The following CDC42EP3 variants were observed in gnomAD, a reference collection of about 807,000 sequenced individuals.
The protein encoded by CDC42EP3 is CDC42 effector protein 3, also known as CDC42 effector protein (Rho GTPase binding) 3.
CDC42EP3 carries 4 observed loss-of-function variants against 15.5 expected under a neutral mutation model. That is an observed-to-expected ratio of 0.26 (90% CI 0.13 to 0.59). CDC42EP3 has a LOEUF of 0.59. Ranked by LOEUF, CDC42EP3 falls within the 20% of genes least tolerant of loss-of-function variation. CDC42EP3 has a pLI of 0.89. For missense variants in CDC42EP3, 309 were observed against 311.2 expected (o/e 0.99, Z 0.05); for synonymous variants, 145 against 130.3 (o/e 1.11, Z -0.77).
intron 1 of CDC42EP3, among the ~76,000 whole-genome samples, chr2:37,666,528 T>G (rs970344399): frequency 1.3e-5 from 2 of 152,190 alleles, no homozygotes; most frequent in African/African-American, 4.8e-5. Context: ...CCACTGAAAA[T>G]CCTTTTTAAA....
chr2:37,672,166 CA>C (rs67383246), upstream of CDC42EP3: 15,565 of 152,430 alleles, frequency 0.1, 1,251 homozygotes, highest in African/African-American at 0.22. Context: ...CGCAGCTCCC[CA>C]GGTCCCTCTC....
intron 1 of CDC42EP3, among the ~76,000 whole-genome samples, chr2:37,651,321 T>C (rs1425657077): frequency 1.3e-5 from 2 of 152,216 alleles, no homozygotes; most frequent in African/African-American, 4.8e-5. Flanking sequence ...GTTAATGAAC[T>C]GGCTATTTTT....
chr2:37,661,764 A>C (rs1666064455), intron 1 of CDC42EP3, among the ~76,000 whole-genome samples: 1 of 152,180 alleles, frequency 6.6e-6, no homozygotes, highest in Non-Finnish European at 1.5e-5. Flanking sequence ...GAGAAGAGAA[A>C]AAACAAAAGG....
chr2:37,657,973 G>A (rs1406994718), intron 1 of CDC42EP3, among the ~76,000 whole-genome samples: 1 of 152,182 alleles, frequency 6.6e-6, no homozygotes, highest in Non-Finnish European at 1.5e-5. Flanking sequence ...GGTCAGAGTT[G>A]AGTAGCCTGT....
chr2:37,668,557 T>G (rs976325704), intron 1 of CDC42EP3, among the ~76,000 whole-genome samples: 1 of 152,012 alleles, frequency 6.6e-6, no homozygotes, highest in Non-Finnish European at 1.5e-5. Flanking sequence ...AGAAGTTCAG[T>G]TTTTTTTCCC....
intron 1 of CDC42EP3, among the ~76,000 whole-genome samples, chr2:37,654,970 C>T (rs78048487): frequency 0.035 from 5,399 of 152,272 alleles, 313 homozygotes; most frequent in African/African-American, 0.12. Flanking sequence ...ATTTCTAAGG[C>T]GGAAATCAGT....
chr2:37,654,893 A>T (rs1665799832), intron 1 of CDC42EP3, among the ~76,000 whole-genome samples: 2 of 152,204 alleles, frequency 1.3e-5, no homozygotes, highest in African/African-American at 2.4e-5. Context: ...TGCTTCTCTG[A>T]ATAATTTTAA....
intron 1 of CDC42EP3, among the ~76,000 whole-genome samples, chr2:37,660,636 C>T (rs1016144967): frequency 2.6e-5 from 4 of 152,034 alleles, no homozygotes; most frequent in African/African-American, 9.7e-5. Context: ...AGAGGAAAAT[C>T]CTTTTACTTC....
intron 1 of CDC42EP3, among the ~76,000 whole-genome samples, chr2:37,653,982 G>C (rs765270299): frequency 1.1e-4 from 17 of 151,998 alleles, no homozygotes; most frequent in Admixed American, 3.3e-4. Flanking sequence ...ATCACTTTTC[G>C]CTTTGCCTCA....
In CDC42EP3 at chr2:37,645,977, A is replaced by G. The variant is rs1665441095; in HGVS notation, c.611T>C (p.Met204Thr). The G allele has an allele frequency of 6.2e-7, 1 of 1,614,036 alleles. No homozygotes were observed. The highest frequency in any genetic ancestry group is 1.1e-5 in the South Asian group (1 of 91,082). The change falls in exon 2 of 2, where the codon ATG becomes ACG. Residue 204 changes from methionine (M) to threonine (T), a missense_variant. By Grantham distance (81) the Met-to-Thr change is moderately conservative. Transcript: ENST00000295324. ...EQYPDWPAED[M>T]FDHPTPCELI... ...CTCGCATGGGGTGGGATGGTCAAAC[A>G]TGTCCTCGGCTGGCCAGTCGGGGTA... is the stretch of plus-strand genomic sequence containing the variant.
chr2:37,648,540 G>A (rs1665553218), intron 1 of CDC42EP3, among the ~76,000 whole-genome samples: 1 of 152,224 alleles, frequency 6.6e-6, no homozygotes, highest in Admixed American at 6.5e-5. Context: ...ACCCAGGCCG[G>A]AGAAGGCTGA....
At chr2:37,672,909 T>A (rs796201152), upstream of CDC42EP3, among the ~76,000 whole-genome samples, 7 of 152,304 alleles carry the variant, frequency 4.6e-5, no homozygotes, top group African/African-American at 1.7e-4. Flanking sequence ...GGGTGCGCCT[T>A]AAGCCGATGT....
intron 1 of CDC42EP3, among the ~76,000 whole-genome samples, chr2:37,649,254 C>T (rs922123428): frequency 6.6e-6 from 1 of 151,538 alleles, no homozygotes; most frequent in African/African-American, 2.4e-5. Context: ...AGTTTGAAAC[C>T]AGCCTGGGCA....
At chr2:37,648,200 G>T (rs1027160557) in intron 1 of CDC42EP3, among the ~76,000 whole-genome samples, 9 of 152,340 alleles carry the variant, frequency 5.9e-5, no homozygotes, top group Admixed American at 4.6e-4. Context: ...TGCTGACACA[G>T]AGAAGCTAAA....
intron 1 of CDC42EP3, among the ~76,000 whole-genome samples, chr2:37,655,730 G>A (rs149258474): frequency 2.6e-4 from 39 of 152,300 alleles, no homozygotes; most frequent in African/African-American, 8.4e-4. Context: ...CATAACTAAT[G>A]GATCTGACTT....
chr2:37,646,556 G>C lies in CDC42EP3; in HGVS notation c.32C>G (p.Ala11Gly). ...TTTCTTTCCTTTCTTGTTATTGGCTGCTTTCAGGTAAATTGGGGTCTTGGC... is the reference window on the plus strand; with the variant it reads ...TTTCTTTCCTTTCTTGTTATTGGCTCCTTTCAGGTAAATTGGGGTCTTGGC... The part of the protein sequence containing the change: MPAKTPIYLK[A>G]ANNKKGKKFK... The change falls in exon 2 of 2, where the codon GCA (alanine) becomes GGA (glycine). Residue 11 changes from alanine (A) to glycine (G), a missense_variant. Ala to Gly is a moderately conservative substitution (Grantham distance 60). Coordinates refer to ENST00000295324, the MANE Select transcript of CDC42EP3 (RefSeq NM_006449.5). 1 of 1,555,770 alleles carries C rather than the reference G, an allele frequency of 6.4e-7. No individual in the cohort carries two copies. Among genetic ancestry groups the C allele is most frequent in the Non-Finnish European group, 8.7e-7 (1 of 1,154,284 alleles).
intron 1 of CDC42EP3, among the ~76,000 whole-genome samples, chr2:37,664,686 A>G (rs925990478): frequency 6.6e-5 from 10 of 152,234 alleles, no homozygotes; most frequent in African/African-American, 2.4e-4. Context: ...GCAAAGATGA[A>G]TGACAAGATA....
intron 1 of CDC42EP3, among the ~76,000 whole-genome samples, chr2:37,655,603 T>C (rs1320514925): frequency 6.6e-6 from 1 of 152,158 alleles, no homozygotes; most frequent in African/African-American, 2.4e-5. Flanking sequence ...CCTGGTTCAT[T>C]TATCAGGACG....
chr2:37,646,343 T>C lies in CDC42EP3; in HGVS notation c.245A>G (p.Asn82Ser). ...GGTGCTGTTGGCCCGGAAGAACTCA[T>C]TATGCCCAGGGAACTGGCCCAGGTG... Reference protein sequence around the residue: ...KAHLGQFPGHNEFFRANSTSD... With the variant: ...KAHLGQFPGHSEFFRANSTSD... Residue 82 changes from asparagine (N) to serine (S), a missense_variant, in exon 2 of 2, where the codon AAT becomes AGT. By Grantham distance (46) the Asn-to-Ser change is conservative. Transcript: ENST00000295324. 1 of 1,614,050 alleles carries C rather than the reference T, an allele frequency of 6.2e-7. No homozygotes were observed. Among genetic ancestry groups the C allele is most frequent in the South Asian group, 1.1e-5 (1 of 91,074 alleles).
Sources: gnomAD v4.1 joint callset for allele counts (sites outside exome capture counted in the v4.1 genomes callset) on GRCh38, gnomAD v4.1.1 for gene constraint, MANE v1.5 for transcripts, NCBI Gene and HGNC (gene_info 2026-07-23, HGNC 2026-07-21) for gene names.